Variants in JAM3 observed in about 807,000 individuals in gnomAD.
JAM3 encodes the protein junctional adhesion molecule C.
In JAM3, 31 loss-of-function variants were observed where a neutral mutation model predicts 39.4. The ratio of observed to expected loss-of-function variants is 0.79; its 90% CI spans 0.59 to 1.06. The LOEUF (loss-of-function observed/expected upper bound fraction) is 1.06, where lower values mean the gene tolerates loss of function less well. Among genes scored for constraint, JAM3 ranks in the 50% least tolerant of loss-of-function variants. JAM3 has a pLI of 0.00. For missense variants in JAM3, 455 were observed against 391.4 expected (o/e 1.16, Z -1.37); for synonymous variants, 182 against 148.7 (o/e 1.22, Z -1.63).
chr11:134,100,655 G>T (rs1942057341), intron 1 of JAM3, among the ~76,000 whole-genome samples: 1 of 152,136 alleles, frequency 6.6e-6, no homozygotes, highest in Non-Finnish European at 1.5e-5. Flanking sequence ...CCATGTGAAT[G>T]CATTCTCTGC....
In JAM3 at chr11:134,138,254, G is replaced by T. The variant is rs76498828; in HGVS notation, c.77-1597G>T. 5.5e-4 allele frequency among the ~76,000 whole-genome samples: 47 copies of T among 85,996 alleles called. 8 individuals carry two copies. The highest frequency in any genetic ancestry group is 9.0e-4 in the African/African-American group (16 of 17,826). 56.4% of individuals were successfully genotyped at this position (85,996 alleles called of 152,430 possible). ...TTAGAGCCAGTGGTGGCGTCTCGTC[G>T]AAGTCGTGGTGCTCATACTGGAAGA... is the stretch of plus-strand genomic sequence containing the variant. On this transcript the variant is annotated intron_variant, in intron 1 of 8. Coordinates refer to ENST00000299106, the MANE Select transcript of JAM3 (RefSeq NM_032801.5).
At chr11:134,100,733 T>C (rs1228201970) in intron 1 of JAM3, among the ~76,000 whole-genome samples, 5 of 152,272 alleles carry the variant, frequency 3.3e-5, no homozygotes, top group South Asian at 4.1e-4. Flanking sequence ...AAAGGTATTA[T>C]AATTATCCCC....
intron 6 of JAM3, 141 bp downstream of exon 6, chr11:134,146,186 C>T (rs1943067569): frequency 1.4e-6 from 1 of 709,114 alleles, no homozygotes; most frequent in East Asian, 2.7e-5. Flanking sequence ...CCACCAGAAC[C>T]CACTGCACAG....
At chr11:134,107,705 A>C (rs896243043) in intron 1 of JAM3, among the ~76,000 whole-genome samples, 1 of 152,072 alleles carries the variant, frequency 6.6e-6, no homozygotes, top group Non-Finnish European at 1.5e-5. Context: ...TCTACAAAAA[A>C]TTTAAAAATG....
intron 1 of JAM3, among the ~76,000 whole-genome samples, chr11:134,092,833 G>A (rs1407401046): frequency 1.4e-4 from 16 of 111,712 alleles, no homozygotes; most frequent in African/African-American, 4.0e-4. Context: ...CTTCTCCTGA[G>A]CCCTCCTTAT....
At chr11:134,124,157 T>A in intron 1 of JAM3, 2 of 1,460,056 alleles carry the variant, frequency 1.4e-6, no homozygotes, top group Non-Finnish European at 1.9e-6. Flanking sequence ...GGATTCCTTC[T>A]TTTTCAACTG....
At chr11:134,141,852 C>A (rs1312441420) in intron 3 of JAM3, among the ~76,000 whole-genome samples, 1 of 151,734 alleles carries the variant, frequency 6.6e-6, no homozygotes, top group Non-Finnish European at 1.5e-5. Flanking sequence ...CACATGCAGG[C>A]TCGTGCATGA....
At chr11:134,130,321 C>T (rs1942744828) in intron 1 of JAM3, among the ~76,000 whole-genome samples, 1 of 151,930 alleles carries the variant, frequency 6.6e-6, no homozygotes, top group African/African-American at 2.4e-5. Context: ...ATGCCATTTG[C>T]TATATTGTAT....
At chr11:134,120,754 C>A (rs1303971951) in intron 1 of JAM3, among the ~76,000 whole-genome samples, 1 of 152,168 alleles carries the variant, frequency 6.6e-6, no homozygotes, top group Non-Finnish European at 1.5e-5. Context: ...TCAGGATGCT[C>A]ACGCCATTAT....
At chr11:134,108,959 C>A (rs1393774146) in intron 1 of JAM3, among the ~76,000 whole-genome samples, 2 of 152,060 alleles carry the variant, frequency 1.3e-5, no homozygotes, top group African/African-American at 4.8e-5. Context: ...CTGCTCTCAC[C>A]AGCTCTTTTA....
chr11:134,095,748 C>G (rs1048982439), intron 1 of JAM3, among the ~76,000 whole-genome samples: 2 of 152,118 alleles, frequency 1.3e-5, no homozygotes, highest in African/African-American at 4.8e-5. Context: ...TGTTAACTTG[C>G]TACATGACCA....
chr11:134,094,731 T>G (rs931290345), intron 1 of JAM3, among the ~76,000 whole-genome samples: 9 of 152,246 alleles, frequency 5.9e-5, no homozygotes, highest in African/African-American at 2.2e-4. Flanking sequence ...CCCCTATACT[T>G]TTATAGTATT....
At chr11:134,145,398 A>C (rs1049816315) in intron 5 of JAM3, 2 of 332,488 alleles carry the variant, frequency 6.0e-6, no homozygotes, top group Non-Finnish European at 1.1e-5. Context: ...TCTTGTAGAG[A>C]TACTGAAGTA....
At chr11:134,115,283 C>T (rs954005211) in intron 1 of JAM3, among the ~76,000 whole-genome samples, 1 of 151,948 alleles carries the variant, frequency 6.6e-6, no homozygotes, top group Non-Finnish European at 1.5e-5. Flanking sequence ...TTTAAAGTTG[C>T]CTTGCTTTTT....
intron 1 of JAM3, among the ~76,000 whole-genome samples, chr11:134,139,431 G>C (rs1018404979): frequency 6.6e-6 from 1 of 152,224 alleles, no homozygotes. Context: ...CAGCCCAAGA[G>C]TCTGGCCCAT....
chr11:134,089,114 G>A (rs1184118714), intron 1 of JAM3, among the ~76,000 whole-genome samples: 1 of 152,148 alleles, frequency 6.6e-6, no homozygotes, highest in Non-Finnish European at 1.5e-5. Context: ...TTGAATGTCT[G>A]TTTATCAAAT....
At chr11:134,137,669 C>CT (rs1565502556) in intron 1 of JAM3, among the ~76,000 whole-genome samples, 1 of 151,934 alleles carries the variant, frequency 6.6e-6, no homozygotes, top group Non-Finnish European at 1.5e-5. Flanking sequence ...GGTGTCTCGT[C>CT]TAAGTCGTGG....
At chr11:134,114,882 A>C (rs1942392402) in intron 1 of JAM3, among the ~76,000 whole-genome samples, 1 of 152,210 alleles carries the variant, frequency 6.6e-6, no homozygotes, top group Admixed American at 6.5e-5. Context: ...AGAATTTTTA[A>C]AAATCAGCAT....
rs114170939 is a variant in JAM3, at chr11:134,144,505, G to C, written c.409+112G>C. On this transcript the variant is annotated intron_variant, in intron 4 of 8. Transcript: ENST00000299106. ...ATCCCTGAGGGCTTCACATGGCTTAGGGAGGGGAGAACTGTTGAGAGCTGA... is the reference window on the plus strand; with the variant it reads ...ATCCCTGAGGGCTTCACATGGCTTACGGAGGGGAGAACTGTTGAGAGCTGA... The C allele has an allele frequency of 1.2e-3, 1,543 of 1,315,096 alleles. 12 individuals are homozygous for C. In the African/African-American group the frequency reaches 0.02, roughly 17 times the overall value. 81.5% of individuals were successfully genotyped at this position (1,315,096 alleles called of 1,614,324 possible). A position where few individuals can be genotyped will look rare whatever the true frequency, so the allele number is the denominator to read the frequency against.
Sources: allele counts gnomAD v4.1 joint callset (sites outside exome capture counted in the v4.1 genomes callset), GRCh38; gene constraint gnomAD v4.1.1; transcripts MANE v1.5; gene names NCBI Gene and HGNC (gene_info 2026-07-23, HGNC 2026-07-21).